Variants in SMURF1 observed in about 807,000 individuals in gnomAD.
SMURF1 encodes the protein SMAD specific E3 ubiquitin protein ligase 1, also known as E3 ubiquitin-protein ligase SMURF1.
In SMURF1, 44 loss-of-function variants were observed where a neutral mutation model predicts 98.0. The observed-to-expected ratio is 0.45, with a 90% confidence interval of 0.35 to 0.58. SMURF1 has a LOEUF of 0.58. Ranked by LOEUF, SMURF1 falls within the 20% of genes least tolerant of loss-of-function variation. SMURF1 has a pLI of 0.00. For missense variants in SMURF1, 687 were observed against 938.4 expected (o/e 0.73, Z 3.50); for synonymous variants, 396 against 374.9 (o/e 1.06, Z -0.65).
Position 99,035,506 on chromosome 7 carries a change from G to T in SMURF1, c.2011+9C>A, listed in dbSNP as rs114043203. On this transcript the variant is annotated intron_variant, in intron 16 of 17. Coordinates refer to ENST00000361368, the MANE Select transcript of SMURF1 (RefSeq NM_181349.3). Reference sequence around the variant, plus strand: ...CGTCATCGAATAGCCCTGCCTCCACGTCAGTCACCTTGCAAAGCCTTGAAG... The same window carrying T: ...CGTCATCGAATAGCCCTGCCTCCACTTCAGTCACCTTGCAAAGCCTTGAAG... 3 of 1,614,022 alleles carry T rather than the reference G, an allele frequency of 1.9e-6. No homozygotes were observed. The highest frequency in any genetic ancestry group is 1.7e-6 in the Non-Finnish European group (2 of 1,180,016).
At chr7:99,110,781 C>G (rs1009034170) in intron 1 of SMURF1, among the ~76,000 whole-genome samples, 1 of 152,146 alleles carries the variant, frequency 6.6e-6, no homozygotes. Flanking sequence ...GGCTACTTAG[C>G]ACATCACTGA....
intron 14 of SMURF1, among the ~76,000 whole-genome samples, chr7:99,037,670 G>T (rs1001379944): frequency 6.6e-6 from 1 of 152,324 alleles, no homozygotes; most frequent in East Asian, 1.9e-4. Context: ...CGTTAAAAAT[G>T]ACTCAGCACG....
At chr7:99,095,244 T>A (rs1268617113) in intron 1 of SMURF1, among the ~76,000 whole-genome samples, 1 of 152,028 alleles carries the variant, frequency 6.6e-6, no homozygotes, top group East Asian at 1.9e-4. Flanking sequence ...CATGTCCGGC[T>A]AATTTTTGTA....
chr7:99,051,329 TG>T, intron 8 of SMURF1, 27 bp downstream of exon 8: 6 of 1,577,696 alleles, frequency 3.8e-6, no homozygotes, highest in African/African-American at 1.3e-5. Context: ...GAAAGACAGC[TG>T]GGGGGTGTCC....
intron 1 of SMURF1, among the ~76,000 whole-genome samples, chr7:99,073,973 C>T (rs754771082): frequency 6.6e-6 from 1 of 151,988 alleles, no homozygotes; most frequent in Non-Finnish European, 1.5e-5. Flanking sequence ...ACAATACAAA[C>T]AATAAAAAAG....
chr7:99,104,177 GT>G (rs1797148346), intron 1 of SMURF1, among the ~76,000 whole-genome samples: 1 of 152,264 alleles, frequency 6.6e-6, no homozygotes, highest in Admixed American at 6.5e-5. Flanking sequence ...ATGAACCATG[GT>G]GCCCCGCCGG....
chr7:99,130,985 G>A (rs1797860317), intron 1 of SMURF1, among the ~76,000 whole-genome samples: 1 of 152,206 alleles, frequency 6.6e-6, no homozygotes, highest in Non-Finnish European at 1.5e-5. Context: ...TGTTGAAGAA[G>A]CAGACTTTTA....
At chr7:99,036,123 T>A (rs1329494488) in intron 15 of SMURF1, 2 of 227,024 alleles carry the variant, frequency 8.8e-6, no homozygotes, top group Non-Finnish European at 1.8e-5. Context: ...GAGAGGAGAA[T>A]TCAGCAAGAG....
chr7:99,138,138 A>G lies in SMURF1; in HGVS notation c.55+5588T>C, dbSNP rs562585395. ...AAAAAAATTGTATATTCCTTGTTTA[A>G]AAAAAAATTAGCCTCTAAAATGGTT... On this transcript the variant is annotated intron_variant, in intron 1 of 17. Transcript: ENST00000361368. 3.3e-5 allele frequency among the ~76,000 whole-genome samples: 5 copies of G among 152,044 alleles called. No homozygotes were observed. In the South Asian group the frequency reaches 1.0e-3, roughly 32 times the overall value.
intron 1 of SMURF1, among the ~76,000 whole-genome samples, chr7:99,068,227 A>G (rs1466725317): frequency 6.6e-6 from 1 of 152,124 alleles, no homozygotes; most frequent in Non-Finnish European, 1.5e-5. Context: ...GGCATCACCT[A>G]TGCACAACTG....
intron 1 of SMURF1, among the ~76,000 whole-genome samples, chr7:99,091,194 AAAGT>A (rs1419967910): frequency 1.3e-5 from 2 of 152,334 alleles, no homozygotes; most frequent in Admixed American, 1.3e-4. Flanking sequence ...GGGACCCACA[AAAGT>A]AAGAAAAATA....
rs142694621 is a variant in SMURF1, at chr7:99,069,140, T to C, written c.56-7303A>G. Among the ~76,000 whole-genome samples the C allele has an allele frequency of 2.6e-3, 394 of 152,328 alleles. 3 individuals carry two copies. The highest frequency in any genetic ancestry group is 9.1e-3 in the African/African-American group (378 of 41,588). On this transcript the variant is annotated intron_variant, in intron 1 of 17. Coordinates refer to ENST00000361368, the MANE Select transcript of SMURF1 (RefSeq NM_181349.3). ...CAAAAAACGGTGACAGAGCAGTGACTTAGCAAAATAAAAACTGGGCAATAT... is the reference window on the plus strand; with the variant it reads ...CAAAAAACGGTGACAGAGCAGTGACCTAGCAAAATAAAAACTGGGCAATAT...
At chr7:99,104,544 C>A (rs976795011) in intron 1 of SMURF1, among the ~76,000 whole-genome samples, 1 of 152,150 alleles carries the variant, frequency 6.6e-6, no homozygotes, top group Admixed American at 6.5e-5. Context: ...GTAATACCTA[C>A]TTGATCGGAT....
rs377261377 is a variant in SMURF1 at position 99,133,392 on chromosome 7, GA to G, written c.55+10333del. 2.1e-3 allele frequency among the ~76,000 whole-genome samples: 280 copies of G among 134,152 alleles called. 1 individual carries two copies. Among genetic ancestry groups the G allele is most frequent in the African/African-American group, 4.9e-3 (177 of 36,214 alleles). 88.0% of individuals were successfully genotyped at this position (134,152 alleles called of 152,430 possible). A position where few individuals can be genotyped will look rare whatever the true frequency, so the allele number is the denominator to read the frequency against. On this transcript the variant is annotated intron_variant, in intron 1 of 17. Coordinates refer to ENST00000361368, the MANE Select transcript of SMURF1 (RefSeq NM_181349.3). ...CTATCATTACTTCAAAATTAAAAAAGAAAAAAAAAAGGTCTCTAAGGCTGCC... is the reference window on the plus strand; with the variant it reads ...CTATCATTACTTCAAAATTAAAAAAGAAAAAAAAAGGTCTCTAAGGCTGCC...
intron 1 of SMURF1, among the ~76,000 whole-genome samples, chr7:99,120,266 T>C (rs1165832048): frequency 1.3e-5 from 2 of 152,212 alleles, no homozygotes; most frequent in Admixed American, 6.5e-5. Context: ...AAACCTCTTT[T>C]CTTTGTAAAT....
chr7:99,044,766 A>G (rs1795518074), intron 11 of SMURF1, among the ~76,000 whole-genome samples: 1 of 152,226 alleles, frequency 6.6e-6, no homozygotes, highest in Admixed American at 6.5e-5. Context: ...AGTCTATCTT[A>G]TGTATATGCC....
chr7:99,143,422 C>T (rs1440912542), intron 1 of SMURF1, among the ~76,000 whole-genome samples: 45 of 121,880 alleles, frequency 3.7e-4, no homozygotes, highest in Admixed American at 2.5e-3. Flanking sequence ...GAAGGAGATG[C>T]AAGGGGCGTG....
chr7:99,098,387 GA>G (rs917829497), intron 1 of SMURF1, among the ~76,000 whole-genome samples: 2 of 151,410 alleles, frequency 1.3e-5, no homozygotes, highest in Admixed American at 6.6e-5. Context: ...GGCTGGGAGG[GA>G]AAAAAAATGA....
chr7:99,060,103 C>T (rs539212840), intron 3 of SMURF1, among the ~76,000 whole-genome samples: 22 of 150,880 alleles, frequency 1.5e-4, no homozygotes, highest in African/African-American at 4.9e-4. Context: ...TGCAGTCGGG[C>T]GCAGTGGCTC....
Sources: gnomAD v4.1 joint callset for allele counts (sites outside exome capture counted in the v4.1 genomes callset) on GRCh38, gnomAD v4.1.1 for gene constraint, MANE v1.5 for transcripts, NCBI Gene and HGNC (gene_info 2026-07-23, HGNC 2026-07-21) for gene names.